Variants in UBXN2B observed in about 807,000 individuals in gnomAD.
UBXN2B encodes the protein UBX domain protein 2B.
Under a neutral mutation model 37.5 loss-of-function variants are expected in UBXN2B, and 19 were observed. The ratio of observed to expected loss-of-function variants is 0.51; its 90% CI spans 0.35 to 0.74. The LOEUF (loss-of-function observed/expected upper bound fraction) is 0.74. Ranked by LOEUF, UBXN2B falls within the 30% of genes least tolerant of loss-of-function variation. The pLI, the probability that UBXN2B is intolerant of heterozygous loss-of-function variation, is 0.01. For missense variants in UBXN2B, 370 were observed against 393.2 expected (o/e 0.94, Z 0.50); for synonymous variants, 145 against 143.8 (o/e 1.01, Z -0.06).
intron 6 of UBXN2B, among the ~76,000 whole-genome samples, chr8:58,445,156 C>T (rs1424249913): frequency 2.0e-5 from 3 of 152,150 alleles, no homozygotes; most frequent in African/African-American, 7.2e-5. Flanking sequence ...TTTTGACATT[C>T]ACTTTTGGCA....
At chr8:58,425,140 A>G in intron 2 of UBXN2B, 1 of 835,288 alleles carries the variant, frequency 1.2e-6, no homozygotes, top group Non-Finnish European at 2.1e-6. Flanking sequence ...CATTCTCTCC[A>G]TATTCCCTTG....
At position 58,451,171 on chromosome 8, in the gene UBXN2B, A is replaced by G. The variant is rs184966694; in HGVS notation, c.*3620A>G. 1 of 152,576 alleles carries G rather than the reference A, an allele frequency of 6.6e-6. No homozygotes were observed. The highest frequency in any genetic ancestry group is 2.4e-5 in the African/African-American group (1 of 41,452). 9.5% of individuals were successfully genotyped at this position (152,576 alleles called of 1,614,324 possible). On this transcript the variant is annotated 3_prime_UTR_variant, in exon 8 of 8. Coordinates refer to ENST00000399598, the MANE Select transcript of UBXN2B (RefSeq NM_001077619.2). ...AATTATTTGAAATTTTCTTGTTTTT[A>G]TCAGTTGAGTGCCTATAGATGCACA...
rs771626161 is a variant in UBXN2B at position 58,433,141 on chromosome 8, CACTT to C, written c.340-18_340-15del. ...GAATAATCCTTTGTGAATTTTAACTCACTTGCTATGTATTTTAGTCATTTACAGG... is the reference window on the plus strand; with the variant it reads ...GAATAATCCTTTGTGAATTTTAACTCGCTATGTATTTTAGTCATTTACAGG... On this transcript the variant is annotated splice_polypyrimidine_tract_variant and intron_variant, in intron 3 of 7. Coordinates refer to ENST00000399598, the MANE Select transcript of UBXN2B (RefSeq NM_001077619.2). The C allele has an allele frequency of 2.6e-6, 4 of 1,566,454 alleles. No individual in the cohort carries two copies. The highest frequency in any genetic ancestry group is 2.3e-5 in the South Asian group (2 of 87,706).
intron 5 of UBXN2B, chr8:58,434,927 T>A (rs1052499): frequency 6.5e-7 from 1 of 1,535,640 alleles, no homozygotes; most frequent in Non-Finnish European, 8.7e-7. Context: ...GTGGCATTAC[T>A]GCTGGCAGAA....
At chr8:58,428,605 A>T (rs964706277) in intron 2 of UBXN2B, among the ~76,000 whole-genome samples, 2 of 152,216 alleles carry the variant, frequency 1.3e-5, no homozygotes, top group Non-Finnish European at 2.9e-5. Context: ...TGTACTACAG[A>T]TGCCTATCTT....
At chr8:58,443,268 T>A (rs1808593819) in intron 6 of UBXN2B, among the ~76,000 whole-genome samples, 2 of 152,140 alleles carry the variant, frequency 1.3e-5, no homozygotes, top group Non-Finnish European at 2.9e-5. Context: ...CATCCTCCTC[T>A]CCCTCCATAA....
At chr8:58,432,172 G>A (rs1379643534) in intron 3 of UBXN2B, among the ~76,000 whole-genome samples, 2 of 151,800 alleles carry the variant, frequency 1.3e-5, no homozygotes, top group African/African-American at 4.8e-5. Context: ...CTTAACTGTA[G>A]GTCCCAAATA....
At chr8:58,445,161 T>C (rs1012425232) in intron 6 of UBXN2B, among the ~76,000 whole-genome samples, 1 of 152,228 alleles carries the variant, frequency 6.6e-6, no homozygotes, top group East Asian at 1.9e-4. Context: ...ACATTCACTT[T>C]TGGCATATAC....
chr8:58,415,967 T>A (rs1807769517), intron 1 of UBXN2B, among the ~76,000 whole-genome samples: 1 of 152,004 alleles, frequency 6.6e-6, no homozygotes, highest in Admixed American at 6.6e-5. Context: ...TGGAGGTAGT[T>A]TTCATATCAT....
chr8:58,429,465 C>CAGA (rs913698653), intron 2 of UBXN2B, among the ~76,000 whole-genome samples: 3 of 152,138 alleles, frequency 2.0e-5, no homozygotes, highest in Non-Finnish European at 4.4e-5. Context: ...TGTACTTCTC[C>CAGA]AGAGCACTGG....
chr8:58,412,762 G>A (rs1389075199), intron 1 of UBXN2B, among the ~76,000 whole-genome samples: 3 of 152,218 alleles, frequency 2.0e-5, no homozygotes, highest in East Asian at 3.8e-4. Flanking sequence ...GTCTGATCCT[G>A]TGTCTTCATT....
intron 5 of UBXN2B, among the ~76,000 whole-genome samples, chr8:58,436,092 GTAGT>G (rs1021063294): frequency 1.4e-4 from 22 of 152,146 alleles, no homozygotes; most frequent in African/African-American, 5.1e-4. Context: ...CACCTAAGAA[GTAGT>G]TAGTTTGTAC....
Position 58,451,146 on chromosome 8 carries a change from A to C in UBXN2B, c.*3595A>C, listed in dbSNP as rs1808791566. 6.6e-6 allele frequency: 1 copy of C among 152,598 alleles called. No individual in the cohort carries two copies. Among genetic ancestry groups the C allele is most frequent in the African/African-American group, 2.4e-5 (1 of 41,438 alleles). 9.5% of individuals were successfully genotyped at this position (152,598 alleles called of 1,614,324 possible). On this transcript the variant is annotated 3_prime_UTR_variant, in exon 8 of 8. Transcript: ENST00000399598. ...CAGGAAAAATAACCAATCCTTGTAA[A>C]ATTATTTGAAATTTTCTTGTTTTTA...
intron 2 of UBXN2B, among the ~76,000 whole-genome samples, chr8:58,421,314 C>T (rs1238986255): frequency 6.6e-6 from 1 of 151,654 alleles, no homozygotes; most frequent in African/African-American, 2.4e-5. Context: ...TTCAGGAAGG[C>T]CACACACTAG....
At chr8:58,436,301 A>G (rs893613257) in intron 5 of UBXN2B, among the ~76,000 whole-genome samples, 7 of 152,218 alleles carry the variant, frequency 4.6e-5, no homozygotes, top group African/African-American at 1.2e-4. Context: ...GGAGATTTCA[A>G]AGTATATTAA....
chr8:58,431,207 G>T (rs1808264008), intron 3 of UBXN2B, among the ~76,000 whole-genome samples: 1 of 152,192 alleles, frequency 6.6e-6, no homozygotes, highest in African/African-American at 2.4e-5. Context: ...AAACCAGCCG[G>T]GTGTGGTGGC....
At chr8:58,428,338 TGGAGGTTTTAGTCA>T (rs1305283361) in intron 2 of UBXN2B, among the ~76,000 whole-genome samples, 1 of 152,246 alleles carries the variant, frequency 6.6e-6, no homozygotes, top group Non-Finnish European at 1.5e-5. Context: ...CAACTTGTAC[TGGAGGTTTTAGTCA>T]GCACAATGAG....
In UBXN2B at chr8:58,418,566, G is replaced by A. The variant is rs1807844813; in HGVS notation, c.188+1613G>A. 2.0e-5 allele frequency among the ~76,000 whole-genome samples: 3 copies of A among 151,956 alleles called. No individual in the cohort carries two copies. The South Asian group carries it at 6.2e-4, about 32-fold the overall frequency. Reference sequence around the variant, plus strand: ...TAGATTTTTATTAGAATTTTTGTCGGGTATGCTAGATAAGTGATATTGTCT... The same window carrying A: ...TAGATTTTTATTAGAATTTTTGTCGAGTATGCTAGATAAGTGATATTGTCT... On this transcript the variant is annotated intron_variant, in intron 2 of 7. Coordinates refer to ENST00000399598, the MANE Select transcript of UBXN2B (RefSeq NM_001077619.2).
At position 58,426,331 on chromosome 8, in the gene UBXN2B, T is replaced by G; in HGVS notation, c.189-4188T>G. ...ATGCCATTCTCCTGCCTCAGCCTCC[T>G]GAGTAGCTGGGACTACAGGTGCCTG... On this transcript the variant is annotated intron_variant, in intron 2 of 7. Transcript: ENST00000399598. The G allele has an allele frequency of 6.1e-6, 3 of 490,556 alleles. No individual in the cohort carries two copies. In the South Asian group the frequency reaches 6.2e-5, roughly 10 times the overall value. The allele number at this position is 490,556 out of a possible 1,614,324, so 30.4% of individuals were successfully genotyped here.
Sources: gnomAD v4.1 joint callset for allele counts (sites outside exome capture counted in the v4.1 genomes callset) on GRCh38, gnomAD v4.1.1 for gene constraint, MANE v1.5 for transcripts, NCBI Gene and HGNC (gene_info 2026-07-23, HGNC 2026-07-21) for gene names.